Variants in DYNC2H1 observed in about 807,000 individuals in gnomAD.
The protein encoded by DYNC2H1 is cytoplasmic dynein 2 heavy chain 1.
A neutral mutation model predicts 570.0 loss-of-function variants in DYNC2H1; 410 were observed. The observed-to-expected ratio is 0.72, with a 90% CI of 0.66 to 0.78. The LOEUF (loss-of-function observed/expected upper bound fraction) is 0.78, where lower values mean the gene tolerates loss of function less well. Among genes scored for constraint, DYNC2H1 ranks in the 30% least tolerant of loss-of-function variants. The pLI is 0.00. For synonymous variants in DYNC2H1, 1,688 were observed against 1,677.6 expected (o/e 1.01, Z -0.15); for missense variants, 4,865 against 5,046.4 (o/e 0.96, Z 1.09).
In DYNC2H1 at chr11:103,309,168, AT is replaced by A. The variant is rs386374721; in HGVS notation, c.11493+1361del. On this transcript the variant is annotated intron_variant, in intron 78 of 88. Coordinates refer to ENST00000375735, the MANE Select transcript of DYNC2H1 (RefSeq NM_001377.3). ...TTATTAGTGTTTGTAACTGCATGCT[AT>A]TTTTTTTTTTTTTTTTTTTTTTTGA... 4.1e-3 allele frequency among the ~76,000 whole-genome samples: 225 copies of A among 54,616 alleles called. 1 individual carries two copies. The highest frequency in any genetic ancestry group is 0.015 in the South Asian group (21 of 1,410). The allele number at this position is 54,616 out of a possible 152,430, so 35.8% of individuals were successfully genotyped here.
chr11:103,425,526 C>T (rs75879536), intron 84 of DYNC2H1, among the ~76,000 whole-genome samples: 2,905 of 152,076 alleles, frequency 0.019, 150 homozygotes, highest in East Asian at 0.16. Context: ...CTATTTCCTT[C>T]CAGAGGTCCC....
intron 84 of DYNC2H1, among the ~76,000 whole-genome samples, chr11:103,427,234 T>A (rs1163924060): frequency 6.6e-6 from 1 of 152,088 alleles, no homozygotes; most frequent in African/African-American, 2.4e-5. Context: ...GTACAAATAA[T>A]CCACAATTTT....
chr11:103,398,111 A>G (rs185742781), intron 83 of DYNC2H1, among the ~76,000 whole-genome samples: 24 of 152,312 alleles, frequency 1.6e-4, no homozygotes, highest in African/African-American at 5.5e-4. Flanking sequence ...TATATGATTG[A>G]TAAATATTTA....
intron 85 of DYNC2H1, among the ~76,000 whole-genome samples, chr11:103,443,196 A>G (rs1194280343): frequency 6.6e-6 from 1 of 152,042 alleles, no homozygotes; most frequent in African/African-American, 2.4e-5. Context: ...AACATTGTGT[A>G]CTTGTGATTC....
intron 37 of DYNC2H1, among the ~76,000 whole-genome samples, chr11:103,176,852 C>T (rs1861839283): frequency 6.6e-6 from 1 of 151,956 alleles, no homozygotes; most frequent in Non-Finnish European, 1.5e-5. Context: ...ATTACAGGTG[C>T]ACACCACCAC....
At chr11:103,441,671 T>C (rs1944272292) in intron 85 of DYNC2H1, among the ~76,000 whole-genome samples, 1 of 152,188 alleles carries the variant, frequency 6.6e-6, no homozygotes, top group African/African-American at 2.4e-5. Context: ...AAGATTTAGC[T>C]TCCTGAGATA....
At chr11:103,370,775 C>T (rs1941113464) in intron 83 of DYNC2H1, among the ~76,000 whole-genome samples, 2 of 152,144 alleles carry the variant, frequency 1.3e-5, no homozygotes, top group Non-Finnish European at 2.9e-5. Context: ...GCTTGGAGTA[C>T]ACCCTAAAGC....
At chr11:103,206,404 T>A (rs2135104204) in intron 52 of DYNC2H1, among the ~76,000 whole-genome samples, 1 of 152,174 alleles carries the variant, frequency 6.6e-6, no homozygotes, top group South Asian at 2.1e-4. Context: ...AGCCTGGAGC[T>A]CCAGGGGTCA....
At chr11:103,414,511 C>T (rs890581261) in intron 84 of DYNC2H1, among the ~76,000 whole-genome samples, 2 of 151,892 alleles carry the variant, frequency 1.3e-5, no homozygotes, top group African/African-American at 2.4e-5. Flanking sequence ...CCCAGCTACT[C>T]GGGAGGCTGA....
chr11:103,450,098 A>G (rs1944548361), intron 85 of DYNC2H1, among the ~76,000 whole-genome samples: 2 of 152,230 alleles, frequency 1.3e-5, no homozygotes, highest in Admixed American at 1.3e-4. Flanking sequence ...CAAAGTTACT[A>G]ACCAGAGATA....
At chr11:103,349,044 C>T (rs759951826) in intron 82 of DYNC2H1, among the ~76,000 whole-genome samples, 13 of 152,120 alleles carry the variant, frequency 8.5e-5, no homozygotes, top group Admixed American at 1.3e-4. Flanking sequence ...AAATCTCTTT[C>T]GTTTATAAAT....
intron 71 of DYNC2H1, among the ~76,000 whole-genome samples, chr11:103,281,818 A>ACC (rs1354582144): frequency 2.0e-5 from 3 of 151,904 alleles, no homozygotes; most frequent in Non-Finnish European, 4.4e-5. Context: ...TACCATTTTT[A>ACC]AGTTTTTGGG....
chr11:103,472,366 T>TA lies in DYNC2H1; in HGVS notation c.12765+3668dup, dbSNP rs1270721427. Among the ~76,000 whole-genome samples the TA allele has an allele frequency of 1.1e-5, 1 of 88,550 alleles. No individual in the cohort carries two copies. Among genetic ancestry groups the TA allele is most frequent in the Non-Finnish European group, 2.3e-5 (1 of 43,688 alleles). The allele number at this position is 88,550 out of a possible 152,430, so 58.1% of individuals were successfully genotyped here. A position where few individuals can be genotyped will look rare whatever the true frequency, so the allele number is the denominator to read the frequency against. Reference sequence around the variant, plus strand: ...ATAGCAAGACCCCATCTTTATTAAATAAAAAAAGAATTAAAAAAATTTTTT... The same window carrying TA: ...ATAGCAAGACCCCATCTTTATTAAATAAAAAAAAGAATTAAAAAAATTTTTT... On this transcript the variant is annotated intron_variant, in intron 88 of 88. Coordinates refer to ENST00000375735, the MANE Select transcript of DYNC2H1 (RefSeq NM_001377.3). The surrounding 1 kb of genome is among the most constrained non-coding windows in gnomAD (Gnocchi z 4.1).
At position 103,202,294 on chromosome 11, in the gene DYNC2H1, A is replaced by ATTTTT. The variant is rs10635156; in HGVS notation, c.8198-1355_8198-1351dup. Among the ~76,000 whole-genome samples the ATTTTT allele has an allele frequency of 2.8e-3, 370 of 132,654 alleles. 9 individuals carry two copies. Among genetic ancestry groups the ATTTTT allele is most frequent in the East Asian group, 5.4e-3 (24 of 4,440 alleles). The allele number at this position is 132,654 out of a possible 152,430, so 87.0% of individuals were successfully genotyped here. ...TTGGCTGATGAGACCAGAAACACAG[A>ATTTTT]TTTTTTTTTTTTTTTTTTGGAAAGC... On this transcript the variant is annotated intron_variant, in intron 50 of 88. Coordinates refer to ENST00000375735, the MANE Select transcript of DYNC2H1 (RefSeq NM_001377.3).
At position 103,173,153 on chromosome 11, in the gene DYNC2H1, A is replaced by G; in HGVS notation, c.5406A>G (p.Gln1802=). The change falls in exon 35 of 89, where the codon CAA becomes CAG. Residue 1802 remains glutamine (Q), a synonymous_variant. Coordinates refer to ENST00000375735, the MANE Select transcript of DYNC2H1 (RefSeq NM_001377.3). ...NPAGKGYGGR[Q]KLPDNLKQLF... is the part of the protein sequence containing the mutation. ...CTGGAAAAGGTTATGGAGGAAGACA[A>G]AAACTGCCTGATAATCTTAAACAGC... The G allele has an allele frequency of 6.4e-7, 1 of 1,562,284 alleles. No individual in the cohort carries two copies. Among genetic ancestry groups the G allele is most frequent in the Non-Finnish European group, 8.7e-7 (1 of 1,154,486 alleles).
In DYNC2H1 at chr11:103,181,830, C is replaced by A; in HGVS notation, c.6421C>A (p.Leu2141Ile). ...TCAGCCTGCTGAATATAGAAATAAT[C>A]TTGAAAATTGGATTGGAGATTATTT... is the stretch of plus-strand genomic sequence containing the variant. Reference protein sequence around the residue: ...RNQPAEYRNNLENWIGDYFEK... With the variant: ...RNQPAEYRNNIENWIGDYFEK... Residue 2141 changes from leucine (L) to isoleucine (I), a missense_variant, in exon 40 of 89, where the codon CTT becomes ATT. By Grantham distance (5) the Leu-to-Ile change is conservative. Around this residue, in one of 5 missense-constraint regions of DYNC2H1, gnomAD observed 231 missense variants for 310.3 expected, o/e 0.74. Coordinates refer to ENST00000375735, the MANE Select transcript of DYNC2H1 (RefSeq NM_001377.3). This position sits in a 1 kb window ranked among gnomAD's most constrained non-coding sequence, Gnocchi z 5.0. 6.3e-7 allele frequency: 1 copy of A among 1,597,398 alleles called. No individual in the cohort carries two copies. The highest frequency in any genetic ancestry group is 8.5e-7 in the Non-Finnish European group (1 of 1,170,668).
chr11:103,168,653 C>T, intron 31 of DYNC2H1, 102 bp from the exon 32 acceptor site: 1 of 1,231,922 alleles, frequency 8.1e-7, no homozygotes, highest in Non-Finnish European at 1.1e-6. Flanking sequence ...CATGAAATTA[C>T]CATTTAAATT....
chr11:103,394,348 T>C (rs1259500513), intron 83 of DYNC2H1, among the ~76,000 whole-genome samples: 1 of 152,078 alleles, frequency 6.6e-6, no homozygotes, highest in Non-Finnish European at 1.5e-5. Flanking sequence ...TATCCTGAAA[T>C]AAAAAACACA....
intron 88 of DYNC2H1, among the ~76,000 whole-genome samples, chr11:103,470,280 A>ATTTGTCATACT (rs1350668945): frequency 6.6e-6 from 1 of 152,180 alleles, no homozygotes; most frequent in Non-Finnish European, 1.5e-5. Flanking sequence ...ATCCAGTTTT[A>ATTTGTCATACT]TTTGTCATAC....
Sources: allele counts gnomAD v4.1 joint callset (sites outside exome capture counted in the v4.1 genomes callset), GRCh38; gene constraint gnomAD v4.1.1; regional missense constraint gnomAD v4.1.1; non-coding constraint Gnocchi (gnomAD v3.1); transcripts MANE v1.5; gene names NCBI Gene and HGNC (gene_info 2026-07-23, HGNC 2026-07-21).